Variants in CLPTM1 observed in about 807,000 individuals in gnomAD.
CLPTM1 encodes the protein putative lipid scramblase CLPTM1.
Under a neutral mutation model 77.3 loss-of-function variants are expected in CLPTM1, and 21 were observed. The ratio of observed to expected loss-of-function variants is 0.27; its 90% CI spans 0.19 to 0.39. The LOEUF (loss-of-function observed/expected upper bound fraction) is 0.39. Ranked by LOEUF, CLPTM1 falls within the 10% of genes least tolerant of loss-of-function variation. The probability of loss-of-function intolerance (pLI) is 1.00; values close to 1 mark genes in which losing one functional copy is unlikely to be tolerated. For missense variants in CLPTM1, 642 were observed against 921.2 expected (o/e 0.70, Z 3.92); for synonymous variants, 373 against 381.0 (o/e 0.98, Z 0.24).
upstream of CLPTM1, chr19:44,954,651 G>C: frequency 9.0e-7 from 1 of 1,107,964 alleles, no homozygotes; most frequent in Non-Finnish European, 1.1e-6. Flanking sequence ...CACAGCTAAT[G>C]AAAAATTGTG....
At chr19:44,962,507 G>A (rs891041785) in intron 2 of CLPTM1, among the ~76,000 whole-genome samples, 4 of 152,262 alleles carry the variant, frequency 2.6e-5, no homozygotes, top group East Asian at 1.9e-4. Context: ...GCAGAAGGCC[G>A]TCTTCTCCCT....
intron 2 of CLPTM1, among the ~76,000 whole-genome samples, chr19:44,962,351 G>C (rs987924361): frequency 6.6e-6 from 1 of 152,116 alleles, no homozygotes; most frequent in African/African-American, 2.4e-5. Context: ...GAAGTAGTTT[G>C]CTAGGGCCCT....
At chr19:44,973,313 A>C in intron 3 of CLPTM1, 103 bp downstream of exon 3, 4 of 1,508,742 alleles carry the variant, frequency 2.7e-6, no homozygotes, top group African/African-American at 1.4e-5. Context: ...GTCCTTGCTC[A>C]CTGGCAGGTC....
chr19:44,977,569 G>A (rs1970825341), intron 5 of CLPTM1, 109 bp downstream of exon 5: 5 of 865,798 alleles, frequency 5.8e-6, no homozygotes, highest in African/African-American at 3.3e-5. Context: ...CAGGCAGGAA[G>A]CCTGTGCTCA....
Position 44,985,311 on chromosome 19 carries a change from G to T in CLPTM1, c.672+8G>T. On this transcript the variant is annotated splice_region_variant and intron_variant, in intron 6 of 13. Coordinates refer to ENST00000337392, the MANE Select transcript of CLPTM1 (RefSeq NM_001294.4). The stretch of plus-strand genomic sequence containing the variant: ...GACCCAGAAATGATCAAGGTAAATG[G>T]GCAGGGTTGTCAGGGCCTATAGGGA... The T allele has an allele frequency of 6.3e-7, 1 of 1,598,220 alleles. No homozygotes were observed. The highest frequency in any genetic ancestry group is 8.6e-7 in the Non-Finnish European group (1 of 1,166,080).
chr19:44,981,215 G>A (rs573033837), intron 5 of CLPTM1, among the ~76,000 whole-genome samples: 2 of 151,956 alleles, frequency 1.3e-5, no homozygotes, highest in East Asian at 3.9e-4. Context: ...CATGATCTTG[G>A]CTCGCCACAG....
At chr19:44,987,590 C>T (rs966926597) in intron 8 of CLPTM1, 167 bp downstream of exon 8, 8 of 865,242 alleles carry the variant, frequency 9.2e-6, no homozygotes, top group Non-Finnish European at 1.4e-5. Flanking sequence ...AGTGGGCACC[C>T]AGCCCTCCAG....
chr19:44,955,090 G>A, upstream of CLPTM1: 3 of 1,535,762 alleles, frequency 2.0e-6, no homozygotes, highest in Non-Finnish European at 2.6e-6. Context: ...GAAAAGGCGG[G>A]TTAATGTGAA....
chr19:44,955,207 A>G (rs971048459), upstream of CLPTM1: 2 of 1,529,476 alleles, frequency 1.3e-6, no homozygotes, highest in Non-Finnish European at 1.8e-6. Flanking sequence ...GCTGGGAGAA[A>G]GACGAGTACG....
chr19:44,989,707 G>A (rs1018754129), intron 9 of CLPTM1, among the ~76,000 whole-genome samples: 7 of 152,200 alleles, frequency 4.6e-5, no homozygotes, highest in Non-Finnish European at 1.0e-4. Context: ...TGCTACAGAC[G>A]TGGTGGCTCA....
chr19:44,970,201 T>A lies in CLPTM1; in HGVS notation c.186-2886T>A, dbSNP rs370796712. ...GTTTCCTTGCACCAGGTTCAGGGCT[T>A]GAGCTGCCCTTCGTGACTCCTTATC... On this transcript the variant is annotated intron_variant, in intron 2 of 13. Coordinates refer to ENST00000337392, the MANE Select transcript of CLPTM1 (RefSeq NM_001294.4). Among the ~76,000 whole-genome samples the A allele has an allele frequency of 2.6e-4, 39 of 147,324 alleles. 7 individuals are homozygous for A. The highest frequency in any genetic ancestry group is 1.0e-3 in the African/African-American group (38 of 37,774).
chr19:44,955,073 T>G (rs1274746240), upstream of CLPTM1: 8 of 1,535,568 alleles, frequency 5.2e-6, no homozygotes, highest in African/African-American at 1.1e-4. Flanking sequence ...GAAAGGCTCA[T>G]ATAACCGAAA....
At chr19:44,964,672 C>G (rs1405801872) in intron 2 of CLPTM1, among the ~76,000 whole-genome samples, 8 of 152,102 alleles carry the variant, frequency 5.3e-5, no homozygotes, top group Non-Finnish European at 1.2e-4. Flanking sequence ...CTGTTGTGCC[C>G]CCATCACCAT....
intron 5 of CLPTM1, among the ~76,000 whole-genome samples, chr19:44,979,313 C>T (rs7253458): frequency 0.29 from 43,400 of 151,870 alleles, 6,524 homozygotes; most frequent in East Asian, 0.47. Flanking sequence ...TCCCTGAGTC[C>T]TCTGTCTCCT....
chr19:44,969,456 A>G (rs1190545703), intron 2 of CLPTM1, among the ~76,000 whole-genome samples: 2 of 152,128 alleles, frequency 1.3e-5, no homozygotes, highest in Non-Finnish European at 2.9e-5. Flanking sequence ...AACCTCCATT[A>G]ACACAGTACA....
intron 2 of CLPTM1, among the ~76,000 whole-genome samples, chr19:44,964,511 G>A (rs190067710): frequency 3.6e-5 from 5 of 139,516 alleles, no homozygotes; most frequent in Non-Finnish European, 4.7e-5. Context: ...GGGTTTTGCC[G>A]TGTTGGCCAG....
intron 1 of CLPTM1, among the ~76,000 whole-genome samples, chr19:44,960,030 A>C (rs1401133609): frequency 1.3e-5 from 2 of 152,172 alleles, no homozygotes; most frequent in African/African-American, 2.4e-5. Flanking sequence ...AAATCAGCTC[A>C]GACCCATTGA....
In CLPTM1 at chr19:44,986,574, A is replaced by G. The variant is rs148911976; in HGVS notation, c.792A>G (p.Gln264=). 79 of 1,613,420 alleles carry G rather than the reference A, an allele frequency of 4.9e-5. No homozygotes were observed. In the Admixed American group the frequency reaches 5.7e-4, roughly 12 times the overall value. ...GCAGTGTGCCCCCTCCCCTGGATCA[A>G]TGTAAGCTCCCCAGCCCTGCCAGCT... ...VKGSVPPPLD[Q]YVKFDAVSGD... Residue 264 remains glutamine (Q), a splice_region_variant and synonymous_variant, in exon 7 of 14, where the codon CAA becomes CAG. Coordinates refer to ENST00000337392, the MANE Select transcript of CLPTM1 (RefSeq NM_001294.4).
In CLPTM1 at chr19:44,992,646, A is replaced by G. The variant is rs759657217; in HGVS notation, c.1759A>G (p.Ile587Val). The change falls in exon 14 of 14, where the codon ATC becomes GTC. Residue 587 changes from isoleucine to valine, a missense_variant. This residue lies in a region of CLPTM1 where 521 missense variants were observed against 800.4 expected (regional missense o/e 0.65). Transcript: ENST00000337392. The surrounding 1 kb of genome is among the most constrained non-coding windows in gnomAD (Gnocchi z 7.7). ...VFFIYLYQRWIYRVDPTRVNE... is the reference protein window; with the variant it reads ...VFFIYLYQRWVYRVDPTRVNE... ...CTTCATCTACCTCTACCAACGGTGG[A>G]TCTACCGCGTCGACCCCACCCGAGT... 15 of 1,613,642 alleles carry G rather than the reference A, an allele frequency of 9.3e-6. No individual in the cohort carries two copies. The highest frequency in any genetic ancestry group is 1.2e-5 in the Non-Finnish European group (14 of 1,179,910).
Sources: allele counts gnomAD v4.1 joint callset (sites outside exome capture counted in the v4.1 genomes callset), GRCh38; gene constraint gnomAD v4.1.1; regional missense constraint gnomAD v4.1.1; non-coding constraint Gnocchi (gnomAD v3.1); transcripts MANE v1.5; gene names NCBI Gene and HGNC (gene_info 2026-07-23, HGNC 2026-07-21).